Variants in MEGF10 observed in about 807,000 individuals in gnomAD.
MEGF10 encodes multiple EGF like domains 10.
In MEGF10, 86 loss-of-function variants were observed where a neutral mutation model predicts 147.5. The ratio of observed to expected loss-of-function variants is 0.58; its 90% CI spans 0.49 to 0.70. MEGF10 has a LOEUF of 0.70. Among genes scored for constraint, MEGF10 ranks in the 30% least tolerant of loss-of-function variants. The probability of loss-of-function intolerance (pLI) is 0.00; values close to 1 mark genes in which losing one functional copy is unlikely to be tolerated. For missense variants in MEGF10, 1,329 were observed against 1,487.3 expected (o/e 0.89, Z 1.75); for synonymous variants, 478 against 525.5 (o/e 0.91, Z 1.24).
At chr5:127,287,016 A>T (rs970781778), upstream of MEGF10, among the ~76,000 whole-genome samples, 29 of 151,984 alleles carry the variant, frequency 1.9e-4, no homozygotes, top group Admixed American at 1.3e-4. Flanking sequence ...TCAGTTAACT[A>T]ACAGAAAAAA....
intron 1 of MEGF10, among the ~76,000 whole-genome samples, chr5:127,326,736 T>C (rs1761051661): frequency 6.6e-6 from 1 of 152,206 alleles, no homozygotes; most frequent in East Asian, 1.9e-4. Flanking sequence ...AAAGTGGCTA[T>C]TCTTAATCAA....
Position 127,457,440 on chromosome 5 carries a change from A to G in MEGF10, c.*122A>G, listed in dbSNP as rs963816516. On this transcript the variant is annotated 3_prime_UTR_variant, in exon 25 of 25. Coordinates refer to ENST00000503335, the MANE Select transcript of MEGF10 (RefSeq NM_001256545.2). ...TCAATTCGGTGGGCAATTTTTGGAC[A>G]TGAACCAGAAAGCTGAAAGCTGAGG... The G allele has an allele frequency of 4.6e-6, 5 of 1,094,260 alleles. No individual in the cohort carries two copies. The highest frequency in any genetic ancestry group is 5.6e-5 in the Admixed American group (2 of 35,620). 67.8% of individuals were successfully genotyped at this position (1,094,260 alleles called of 1,614,324 possible).
chr5:127,452,972 G>A (rs569749820), intron 22 of MEGF10, among the ~76,000 whole-genome samples: 95 of 152,224 alleles, frequency 6.2e-4, no homozygotes, highest in South Asian at 5.6e-3. Flanking sequence ...CCTGTCCCAC[G>A]ATGATTGATA....
intron 1 of MEGF10, among the ~76,000 whole-genome samples, chr5:127,305,279 T>C (rs2546081): frequency 0.67 from 101,090 of 151,902 alleles, 33,987 homozygotes; most frequent in Middle Eastern, 0.82. Flanking sequence ...AAGGAAAGAG[T>C]CTGGACAGTT....
At chr5:127,284,550 G>A in the MEGF10 span, among the ~76,000 whole-genome samples, 1 of 151,952 alleles carries the variant, frequency 6.6e-6, no homozygotes, top group South Asian at 2.1e-4. Flanking sequence ...TCAGACCCAG[G>A]GTCAGTCCTC....
In MEGF10 at chr5:127,456,952, A is replaced by G. The variant is rs17673727; in HGVS notation, c.3233-176A>G. Among the ~76,000 whole-genome samples, 3,432 of 152,266 alleles carry G rather than the reference A, an allele frequency of 0.023. 51 individuals are homozygous for G. Among genetic ancestry groups the G allele is most frequent in the Middle Eastern group, 0.044 (13 of 294 alleles). On this transcript the variant is annotated intron_variant, in intron 24 of 24. Transcript: ENST00000503335. ...CCATTTGTGTTTGCCAGTTGATCCA[A>G]CTACACAGAGTTGCCACCTGTATGT... is the stretch of plus-strand genomic sequence containing the variant.
intron 1 of MEGF10, among the ~76,000 whole-genome samples, chr5:127,316,205 C>T (rs1183765596): frequency 2.0e-5 from 3 of 152,188 alleles, no homozygotes; most frequent in Non-Finnish European, 4.4e-5. Flanking sequence ...GACTCCCAGC[C>T]CCTCCTGGAT....
At chr5:127,434,061 T>C (rs1248150113) in intron 14 of MEGF10, among the ~76,000 whole-genome samples, 4 of 152,352 alleles carry the variant, frequency 2.6e-5, no homozygotes, top group South Asian at 2.1e-4. Context: ...AAAAAGAATA[T>C]GTAACTAATT....
At chr5:127,237,034 C>G in the MEGF10 span, among the ~76,000 whole-genome samples, 2 of 152,126 alleles carry the variant, frequency 1.3e-5, no homozygotes, top group African/African-American at 4.8e-5. Context: ...CCCAAAGAAA[C>G]TAAGAAAGAA....
At chr5:127,300,474 G>C (rs146073831) in intron 1 of MEGF10, among the ~76,000 whole-genome samples, 3,306 of 152,260 alleles carry the variant, frequency 0.022, 57 homozygotes, top group Middle Eastern at 0.061. Context: ...TTTTGTGTCA[G>C]AATAAGGGTC....
intron 6 of MEGF10, among the ~76,000 whole-genome samples, chr5:127,398,161 G>A (rs772483959): frequency 2.6e-5 from 4 of 151,966 alleles, no homozygotes; most frequent in Admixed American, 1.3e-4. Flanking sequence ...GCAGCAAACC[G>A]CCATGGCACA....
At chr5:127,418,165 A>T (rs924958184) in intron 10 of MEGF10, among the ~76,000 whole-genome samples, 12 of 152,194 alleles carry the variant, frequency 7.9e-5, no homozygotes, top group African/African-American at 2.9e-4. Context: ...TTTGTTTTTA[A>T]TTCCACAAAA....
intron 24 of MEGF10, among the ~76,000 whole-genome samples, chr5:127,456,131 A>G (rs1766355871): frequency 1.3e-5 from 2 of 152,202 alleles, no homozygotes; most frequent in African/African-American, 4.8e-5. Context: ...CATATGTATC[A>G]TATTAGCTAA....
At position 127,417,635 on chromosome 5, in the gene MEGF10, C is replaced by T. The variant is rs776851405; in HGVS notation, c.1131-3C>T. On this transcript the variant is annotated splice_region_variant and splice_polypyrimidine_tract_variant and intron_variant, in intron 9 of 24. Transcript: ENST00000503335. ...ACTTATTCCTTTCATCCATGTCTCT[C>T]AGCTGTCACCCCATGTCTGGAGAGT... 1.9e-5 allele frequency: 31 copies of T among 1,614,146 alleles called. No homozygotes were observed. The highest frequency in any genetic ancestry group is 2.1e-5 in the Non-Finnish European group (25 of 1,180,008).
chr5:127,331,284 C>T lies in MEGF10; in HGVS notation c.-18-7C>T, dbSNP rs765375959. Reference sequence around the variant, plus strand: ...CATTTCTAATTGGGATTTTTTCTTTCTTGTAGGTTGTTCTTCAGAAAAAAA... The same window carrying T: ...CATTTCTAATTGGGATTTTTTCTTTTTTGTAGGTTGTTCTTCAGAAAAAAA... On this transcript the variant is annotated splice_region_variant and splice_polypyrimidine_tract_variant and intron_variant, in intron 1 of 24. Coordinates refer to ENST00000503335, the MANE Select transcript of MEGF10 (RefSeq NM_001256545.2). The T allele has an allele frequency of 1.5e-5, 21 of 1,439,012 alleles. No homozygotes were observed. The highest frequency in any genetic ancestry group is 1.9e-5 in the Non-Finnish European group (19 of 1,025,512). The allele number at this position is 1,439,012 out of a possible 1,614,324, so 89.1% of individuals were successfully genotyped here. A position where few individuals can be genotyped will look rare whatever the true frequency, so the allele number is the denominator to read the frequency against.
intron 19 of MEGF10, 188 bp from the exon 20 acceptor site, chr5:127,445,269 G>A: frequency 1.7e-6 from 1 of 594,676 alleles, no homozygotes. Flanking sequence ...CCTTTCTCTG[G>A]GCATGGATAG....
chr5:127,442,585 A>G, intron 18 of MEGF10, among the ~76,000 whole-genome samples: 1 of 152,228 alleles, frequency 6.6e-6, no homozygotes, highest in East Asian at 1.9e-4. Flanking sequence ...ACAGTAAAAT[A>G]TATATGTTCT....
chr5:127,420,560 C>T (rs1021082061), intron 12 of MEGF10, among the ~76,000 whole-genome samples: 1 of 151,984 alleles, frequency 6.6e-6, no homozygotes, highest in African/African-American at 2.4e-5. Flanking sequence ...ATGGAAATCT[C>T]CCTGCCTTTA....
rs749592476 is a variant in MEGF10, at chr5:127,419,114, G to A, written c.1306-6G>A. On this transcript the variant is annotated splice_polypyrimidine_tract_variant and splice_region_variant and intron_variant, in intron 10 of 24. Coordinates refer to ENST00000503335, the MANE Select transcript of MEGF10 (RefSeq NM_001256545.2). ...TGAATGCATTTTGCTACTTGTGCCT[G>A]TCTAGGGAATTGACTGCTCTACCCC... 23 of 1,602,594 alleles carry A rather than the reference G, an allele frequency of 1.4e-5. No individual in the cohort carries two copies. Among genetic ancestry groups the A allele is most frequent in the Non-Finnish European group, 2.0e-5 (23 of 1,177,072 alleles).
Sources: allele counts gnomAD v4.1 joint callset (sites outside exome capture counted in the v4.1 genomes callset), GRCh38; gene constraint gnomAD v4.1.1; transcripts MANE v1.5; gene names NCBI Gene and HGNC (gene_info 2026-07-23, HGNC 2026-07-21).